Variants in C10orf90 observed in about 807,000 individuals in gnomAD.
The protein encoded by C10orf90 is (E2-independent) E3 ubiquitin-conjugating enzyme FATS.
In C10orf90, 56 loss-of-function variants were observed where a neutral mutation model predicts 62.5. The ratio of observed to expected loss-of-function variants is 0.90; its 90% CI spans 0.72 to 1.12. The LOEUF (loss-of-function observed/expected upper bound fraction) is 1.12. Ranked by LOEUF, C10orf90 falls within the 50% of genes most tolerant of loss-of-function variation. The probability of loss-of-function intolerance (pLI) is 0.00; values close to 1 mark genes in which losing one functional copy is unlikely to be tolerated. For missense variants in C10orf90, 970 were observed against 880.4 expected (o/e 1.10, Z -1.29); for synonymous variants, 386 against 340.4 (o/e 1.13, Z -1.47).
chr10:126,581,187 T>G (rs1216422487), intron 2 of C10orf90, among the ~76,000 whole-genome samples: 1 of 152,242 alleles, frequency 6.6e-6, no homozygotes, highest in Non-Finnish European at 1.5e-5. Context: ...TCATGTAGCC[T>G]CTGGGCAAAA....
At chr10:126,478,905 C>G (rs980170385) in intron 4 of C10orf90, among the ~76,000 whole-genome samples, 12 of 152,148 alleles carry the variant, frequency 7.9e-5, no homozygotes, top group Non-Finnish European at 1.8e-4. Flanking sequence ...AAATGCAAAA[C>G]AGGAATGAAG....
At chr10:126,435,128 T>C (rs1186801265) in intron 7 of C10orf90, among the ~76,000 whole-genome samples, 3 of 152,190 alleles carry the variant, frequency 2.0e-5, no homozygotes, top group Non-Finnish European at 1.5e-5. Context: ...CCCTGTCAGG[T>C]AAGTGGAAGC....
chr10:126,661,559 A>G (rs1189268140), intron 1 of C10orf90, among the ~76,000 whole-genome samples: 1 of 152,156 alleles, frequency 6.6e-6, no homozygotes, highest in Non-Finnish European at 1.5e-5. Context: ...TTTCCCCACA[A>G]GTTCCCAATT....
At chr10:126,572,757 C>T (rs1225747472) in intron 2 of C10orf90, among the ~76,000 whole-genome samples, 1 of 152,060 alleles carries the variant, frequency 6.6e-6, no homozygotes, top group Non-Finnish European at 1.5e-5. Context: ...AAGTTTCAGC[C>T]TCATTTTACC....
intron 2 of C10orf90, among the ~76,000 whole-genome samples, chr10:126,610,259 C>T (rs182549611): frequency 6.6e-5 from 10 of 152,240 alleles, no homozygotes; most frequent in Admixed American, 6.5e-5. Flanking sequence ...TCCCCTGGCT[C>T]TGCCTGGTGG....
intron 2 of C10orf90, among the ~76,000 whole-genome samples, chr10:126,566,444 A>G (rs1326606327): frequency 6.6e-6 from 1 of 152,196 alleles, no homozygotes; most frequent in Non-Finnish European, 1.5e-5. Flanking sequence ...AATTACCGCC[A>G]GTTTCAGTGA....
intron 2 of C10orf90, among the ~76,000 whole-genome samples, chr10:126,517,033 T>C (rs576707293): frequency 1.9e-3 from 284 of 152,286 alleles, no homozygotes; most frequent in Non-Finnish European, 3.4e-3. Context: ...TAACTATATC[T>C]CATTTGCCAA....
chr10:126,647,407 C>G (rs1395913797), intron 1 of C10orf90, among the ~76,000 whole-genome samples: 1 of 152,198 alleles, frequency 6.6e-6, no homozygotes, highest in African/African-American at 2.4e-5. Flanking sequence ...CAGTTCATGT[C>G]CCAGTCCCGA....
chr10:126,597,274 T>A (rs1464851557), intron 2 of C10orf90, among the ~76,000 whole-genome samples: 1 of 152,260 alleles, frequency 6.6e-6, no homozygotes, highest in African/African-American at 2.4e-5. Flanking sequence ...AACTGCATGA[T>A]CACATTGGTG....
At chr10:126,651,912 T>C (rs138689648) in intron 1 of C10orf90, among the ~76,000 whole-genome samples, 122 of 152,256 alleles carry the variant, frequency 8.0e-4, no homozygotes, top group Admixed American at 2.5e-3. Context: ...CCAAGGGATG[T>C]AGGAGGCTCC....
intron 2 of C10orf90, chr10:126,520,572 G>T (rs181935664): frequency 2.5e-4 from 38 of 152,400 alleles, no homozygotes; most frequent in Admixed American, 1.7e-3. Context: ...GTCCCGATCC[G>T]CTGCTACCCC....
At chr10:126,443,213 TAAAAG>T (rs1858513557) in intron 7 of C10orf90, among the ~76,000 whole-genome samples, 1 of 151,788 alleles carries the variant, frequency 6.6e-6, no homozygotes, top group East Asian at 1.9e-4. Flanking sequence ...ATACAAAAGA[TAAAAG>T]AAACAAAAAG....
At position 126,553,252 on chromosome 10, in the gene C10orf90, C is replaced by T. The variant is rs11245038; in HGVS notation, c.314-39313G>A. ...GCCATAAATGGAGAAAGGATATTTACAATACGTATATCTTATGTTCTATTA... is the reference window on the plus strand; with the variant it reads ...GCCATAAATGGAGAAAGGATATTTATAATACGTATATCTTATGTTCTATTA... On this transcript the variant is annotated intron_variant, in intron 2 of 9. Coordinates refer to ENST00000488181, the MANE Select transcript of C10orf90 (RefSeq NM_001350921.2). 2.3e-3 allele frequency among the ~76,000 whole-genome samples: 350 copies of T among 152,186 alleles called. 3 individuals carry two copies. In the East Asian group the frequency reaches 0.031, roughly 13 times the overall value.
intron 2 of C10orf90, among the ~76,000 whole-genome samples, chr10:126,583,966 A>G (rs1180303583): frequency 6.6e-6 from 1 of 151,968 alleles, no homozygotes; most frequent in African/African-American, 2.4e-5. Context: ...AAAAAATACA[A>G]AAAATTAGCA....
intron 2 of C10orf90, among the ~76,000 whole-genome samples, chr10:126,531,404 G>A (rs1381503029): frequency 6.6e-6 from 1 of 152,156 alleles, no homozygotes; most frequent in African/African-American, 2.4e-5. Flanking sequence ...ACAGCCCCAT[G>A]ACAAAGGATT....
intron 2 of C10orf90, among the ~76,000 whole-genome samples, chr10:126,613,465 C>T (rs1845480031): frequency 6.6e-6 from 1 of 152,130 alleles, no homozygotes; most frequent in South Asian, 2.1e-4. Flanking sequence ...AGGCTTGTCT[C>T]AAACTCCTGG....
chr10:126,603,853 C>T (rs979289356), intron 2 of C10orf90, among the ~76,000 whole-genome samples: 2 of 152,074 alleles, frequency 1.3e-5, no homozygotes, highest in African/African-American at 2.4e-5. Context: ...GCATCTGCTG[C>T]GTGACAAGAC....
intron 2 of C10orf90, among the ~76,000 whole-genome samples, chr10:126,555,261 G>T (rs1010378737): frequency 6.6e-6 from 1 of 152,092 alleles, no homozygotes; most frequent in African/African-American, 2.4e-5. Context: ...TGGTAGCAGA[G>T]GGGTGAGGAG....
In C10orf90 at chr10:126,638,074, G is replaced by C. The variant is rs372365734; in HGVS notation, c.313+8491C>G. 1.2e-4 allele frequency among the ~76,000 whole-genome samples: 19 copies of C among 152,292 alleles called. No homozygotes were observed. The South Asian group carries it at 3.5e-3, about 28-fold the overall frequency. ...GGTTTCCAGCGTGGCTGACAACAGCGGTGTCGTTGCTGACATGGAACAGCA... is the reference window on the plus strand; with the variant it reads ...GGTTTCCAGCGTGGCTGACAACAGCCGTGTCGTTGCTGACATGGAACAGCA... On this transcript the variant is annotated intron_variant, in intron 2 of 9. Transcript: ENST00000488181.
Sources: allele counts gnomAD v4.1 joint callset (sites outside exome capture counted in the v4.1 genomes callset), GRCh38; gene constraint gnomAD v4.1.1; transcripts MANE v1.5; gene names NCBI Gene and HGNC (gene_info 2026-07-23, HGNC 2026-07-21).